The following PTPRQ variants were observed in gnomAD, a reference collection of about 807,000 sequenced individuals.
PTPRQ encodes protein tyrosine phosphatase receptor type Q, also known as phosphatidylinositol phosphatase PTPRQ.
PTPRQ carries 199 observed loss-of-function variants against 246.0 expected under a neutral mutation model. The observed-to-expected ratio is 0.81, with a 90% CI of 0.72 to 0.91. PTPRQ has a LOEUF of 0.91. PTPRQ is among the 40% of genes least tolerant of loss of function. The pLI is 0.00. For missense variants in PTPRQ, 2,624 were observed against 2,528.4 expected (o/e 1.04, Z -0.81); for synonymous variants, 869 against 853.2 (o/e 1.02, Z -0.32).
Position 80,538,568 on chromosome 12 carries a change from CT to C in PTPRQ, c.2986-1205del, listed in dbSNP as rs371607372. On this transcript the variant is annotated intron_variant, in intron 19 of 44. Coordinates refer to ENST00000644991, the MANE Select transcript of PTPRQ (RefSeq NM_001145026.2). ...TATTTTGTGTGAGATTGCTATATTA[CT>C]TTAACTTGTCTATTTCTATGTAAAT... Among the ~76,000 whole-genome samples, 73 of 152,216 alleles carry C rather than the reference CT, an allele frequency of 4.8e-4. 1 individual carries two copies. Among genetic ancestry groups the C allele is most frequent in the South Asian group, 1.7e-3 (8 of 4,820 alleles).
At chr12:80,481,926 A>G (rs1894077529) in intron 8 of PTPRQ, among the ~76,000 whole-genome samples, 2 of 147,166 alleles carry the variant, frequency 1.4e-5, no homozygotes, top group Non-Finnish European at 1.5e-5. Context: ...GGAAGAATCA[A>G]TATCGTGAAA....
intron 6 of PTPRQ, among the ~76,000 whole-genome samples, chr12:80,463,040 A>T (rs1038790755): frequency 6.6e-6 from 1 of 152,190 alleles, no homozygotes; most frequent in Non-Finnish European, 1.5e-5. Flanking sequence ...GAGTTGAGAG[A>T]AGAAGGCTTC....
At chr12:80,613,973 A>G (rs961206404) in intron 29 of PTPRQ, 137 bp downstream of exon 29, 1 of 1,120,454 alleles carries the variant, frequency 8.9e-7, no homozygotes, top group Non-Finnish European at 1.2e-6. Flanking sequence ...CTCAACAAAA[A>G]TAAATTTTGA....
At chr12:80,621,045 A>G (rs1463877427) in intron 32 of PTPRQ, among the ~76,000 whole-genome samples, 7 of 151,918 alleles carry the variant, frequency 4.6e-5, no homozygotes, top group Admixed American at 4.6e-4. Flanking sequence ...GATTTTCAAA[A>G]TATAATTTTT....
At position 80,538,767 on chromosome 12, in the gene PTPRQ, G is replaced by GT. The variant is rs922112477; in HGVS notation, c.2986-1000dup. Among the ~76,000 whole-genome samples, 515 of 145,944 alleles carry GT rather than the reference G, an allele frequency of 3.5e-3. 3 individuals are homozygous for GT. The highest frequency in any genetic ancestry group is 0.011 in the African/African-American group (428 of 39,078). ...ATTCATTTAAATGAAACTAATTACT[G>GT]TTTTTTTTTAATTGTGTGCTAGACA... On this transcript the variant is annotated intron_variant, in intron 19 of 44. Transcript: ENST00000644991.
chr12:80,455,793 G>T (rs916180472), intron 3 of PTPRQ, among the ~76,000 whole-genome samples: 3 of 151,854 alleles, frequency 2.0e-5, no homozygotes, highest in African/African-American at 7.3e-5. Context: ...GCAGAGACGG[G>T]TTTCACTATG....
chr12:80,544,428 A>G (rs1167990103), intron 23 of PTPRQ, among the ~76,000 whole-genome samples: 2 of 152,190 alleles, frequency 1.3e-5, no homozygotes, highest in African/African-American at 2.4e-5. Context: ...TAAGATTTGT[A>G]AACAGGTTTT....
At chr12:80,655,565 C>T (rs1311686196) in intron 38 of PTPRQ, among the ~76,000 whole-genome samples, 1 of 151,554 alleles carries the variant, frequency 6.6e-6, no homozygotes, top group Non-Finnish European at 1.5e-5. Flanking sequence ...ACCCCCGGTT[C>T]TCTCTGTCTC....
chr12:80,486,835 C>T (rs984108097), intron 9 of PTPRQ, among the ~76,000 whole-genome samples: 1 of 152,110 alleles, frequency 6.6e-6, no homozygotes, highest in Non-Finnish European at 1.5e-5. Flanking sequence ...TTTTAACCAC[C>T]CTTGTGTTCT....
At chr12:80,573,359 G>A (rs1319665607) in intron 25 of PTPRQ, among the ~76,000 whole-genome samples, 2 of 151,972 alleles carry the variant, frequency 1.3e-5, no homozygotes, top group Non-Finnish European at 2.9e-5. Context: ...CATGGTGGCG[G>A]GCGCCTGTGG....
chr12:80,590,666 CAAAAAAAAAAAAA>C (rs35640802), intron 26 of PTPRQ, among the ~76,000 whole-genome samples: 24 of 57,830 alleles, frequency 4.2e-4, no homozygotes, highest in Non-Finnish European at 5.5e-4. Flanking sequence ...GACTCCGTCT[CAAAAAAAAAAAAA>C]AAAAAAAAAA....
rs1033649853 is a variant in PTPRQ, at chr12:80,613,445, G to A, written c.4919-147G>A. The A allele has an allele frequency of 3.8e-5, 28 of 729,672 alleles. 1 individual carries two copies. The highest frequency in any genetic ancestry group is 1.4e-4 in the East Asian group (5 of 34,916). The allele number at this position is 729,672 out of a possible 1,614,324, so 45.2% of individuals were successfully genotyped here. A position where few individuals can be genotyped will look rare whatever the true frequency, so the allele number is the denominator to read the frequency against. On this transcript the variant is annotated intron_variant, in intron 28 of 44. Transcript: ENST00000644991. ...ACAGATGTCAATGATTCTATAATGC[G>A]TCAGTCATTTTGCTAGTTTTTGCAG...
At chr12:80,486,160 A>C (rs895722062) in intron 9 of PTPRQ, among the ~76,000 whole-genome samples, 3 of 152,110 alleles carry the variant, frequency 2.0e-5, no homozygotes, top group Non-Finnish European at 2.9e-5. Context: ...AATAATGAGA[A>C]TTTAATGGGT....
chr12:80,466,432 C>A (rs1292891958), intron 6 of PTPRQ, among the ~76,000 whole-genome samples: 1 of 152,112 alleles, frequency 6.6e-6, no homozygotes, highest in African/African-American at 2.4e-5. Flanking sequence ...CCACACTGCC[C>A]AAGGTAATTT....
chr12:80,468,136 AAT>A (rs1390754244), intron 6 of PTPRQ, among the ~76,000 whole-genome samples: 2 of 152,160 alleles, frequency 1.3e-5, no homozygotes, highest in South Asian at 2.1e-4. Flanking sequence ...ATCTAAGAAA[AAT>A]AGAGTAATTT....
intron 8 of PTPRQ, among the ~76,000 whole-genome samples, chr12:80,479,304 T>C (rs1009206454): frequency 6.7e-6 from 1 of 149,268 alleles, no homozygotes; most frequent in Non-Finnish European, 1.5e-5. Context: ...AGAAATAAAA[T>C]ACTTTACAGA....
At position 80,471,487 on chromosome 12, in the gene PTPRQ, T is replaced by TTTTTTC. The variant is rs1893625866; in HGVS notation, c.1040-614_1040-613insTCTTTT. The stretch of plus-strand genomic sequence containing the variant: ...AAATTATTTAGCATTTTTTTTTTTT[T>TTTTTTC]TTTTATTTGAGACAGAGTCTCGCTC... On this transcript the variant is annotated intron_variant, in intron 7 of 44. Transcript: ENST00000644991. Among the ~76,000 whole-genome samples the TTTTTTC allele has an allele frequency of 4.9e-5, 2 of 40,558 alleles. 1 individual carries two copies. The highest frequency in any genetic ancestry group is 1.2e-4 in the Non-Finnish European group (2 of 17,348). 26.6% of individuals were successfully genotyped at this position (40,558 alleles called of 152,430 possible). A position where few individuals can be genotyped will look rare whatever the true frequency, so the allele number is the denominator to read the frequency against.
intron 34 of PTPRQ, among the ~76,000 whole-genome samples, chr12:80,632,538 G>A (rs1040801788): frequency 1.3e-5 from 2 of 152,146 alleles, no homozygotes; most frequent in African/African-American, 4.8e-5. Flanking sequence ...TTAATGTAAA[G>A]AATTGTTAAC....
At position 80,523,849 on chromosome 12, in the gene PTPRQ, G is replaced by A. The variant is rs531798880; in HGVS notation, c.2679-10166G>A. Among the ~76,000 whole-genome samples, 16 of 152,302 alleles carry A rather than the reference G, an allele frequency of 1.1e-4. No individual in the cohort carries two copies. The South Asian group carries it at 3.1e-3, about 30-fold the overall frequency. On this transcript the variant is annotated intron_variant, in intron 17 of 44. Transcript: ENST00000644991. ...AAAAGAATGCATATTCTGTTGATTT[G>A]GGGTGGAGAGTTCTGTAGATGTCTA...
Sources: gnomAD v4.1 joint callset for allele counts (sites outside exome capture counted in the v4.1 genomes callset) on GRCh38, gnomAD v4.1.1 for gene constraint, MANE v1.5 for transcripts, NCBI Gene and HGNC (gene_info 2026-07-23, HGNC 2026-07-21) for gene names.